The following IFT57 variants were observed in gnomAD, a reference collection of about 807,000 sequenced individuals.
IFT57 encodes intraflagellar transport protein 57 homolog.
Under a neutral mutation model 56.8 loss-of-function variants are expected in IFT57, and 59 were observed. The ratio of observed to expected loss-of-function variants is 1.04; its 90% CI spans 0.84 to 1.29. The LOEUF (loss-of-function observed/expected upper bound fraction) is 1.29. Ranked by LOEUF, IFT57 falls within the 50% of genes most tolerant of loss-of-function variation. The probability of loss-of-function intolerance (pLI) is 0.00; values close to 1 mark genes in which losing one functional copy is unlikely to be tolerated. For missense variants in IFT57, 470 were observed against 522.1 expected, an observed-to-expected ratio of 0.90 and a Z score of 0.97; for synonymous variants, 209 against 186.1, an observed-to-expected ratio of 1.12 and a Z score of -1.00.
At chr3:108,196,825 C>T (rs1345856878) in intron 5 of IFT57, among the ~76,000 whole-genome samples, 1 of 152,222 alleles carries the variant, frequency 6.6e-6, no homozygotes, top group East Asian at 1.9e-4. Context: ...GTTTGCATAT[C>T]TATTTCATAA....
chr3:108,211,709 G>A (rs1450292411), intron 4 of IFT57, among the ~76,000 whole-genome samples: 1 of 152,052 alleles, frequency 6.6e-6, no homozygotes, highest in Non-Finnish European at 1.5e-5. Flanking sequence ...TTTTCCTTCT[G>A]TAAATGACAG....
chr3:108,170,772 C>G (rs1432788376), intron 6 of IFT57, among the ~76,000 whole-genome samples: 1 of 151,054 alleles, frequency 6.6e-6, no homozygotes, highest in African/African-American at 2.4e-5. Flanking sequence ...CTACAGTAAC[C>G]AAAACAGCAT....
intron 5 of IFT57, 73 bp from the exon 6 acceptor site, chr3:108,191,716 G>A: frequency 1.1e-6 from 1 of 941,936 alleles, no homozygotes; most frequent in Non-Finnish European, 1.5e-6. Context: ...CATTTTAGCA[G>A]TACTGCACAA....
At chr3:108,208,885 A>C (rs1004553663) in intron 4 of IFT57, among the ~76,000 whole-genome samples, 1 of 152,166 alleles carries the variant, frequency 6.6e-6, no homozygotes, top group African/African-American at 2.4e-5. Flanking sequence ...AAAATACAGG[A>C]GATCCTTTAA....
At chr3:108,194,455 C>T (rs1041210825) in intron 5 of IFT57, among the ~76,000 whole-genome samples, 1 of 150,490 alleles carries the variant, frequency 6.6e-6, no homozygotes, top group African/African-American at 2.4e-5. Context: ...TATAAAAATA[C>T]TAATGACATT....
intron 3 of IFT57, among the ~76,000 whole-genome samples, chr3:108,216,438 G>A (rs111489992): frequency 0.01 from 1,562 of 152,270 alleles, 15 homozygotes; most frequent in Non-Finnish European, 0.017. Flanking sequence ...ACCCCAGTTA[G>A]AATGGCTATT....
At chr3:108,180,249 A>G (rs1249432273) in intron 6 of IFT57, among the ~76,000 whole-genome samples, 1 of 151,944 alleles carries the variant, frequency 6.6e-6, no homozygotes, top group African/African-American at 2.4e-5. Context: ...CAGACCTATT[A>G]TTTATGCTTA....
At chr3:108,165,002 C>T (rs1213804680) in intron 9 of IFT57, among the ~76,000 whole-genome samples, 1 of 151,994 alleles carries the variant, frequency 6.6e-6, no homozygotes, top group African/African-American at 2.4e-5. Context: ...ATAAGCCACT[C>T]CCAATTGTGG....
Position 108,218,613 on chromosome 3 carries a change from C to T in IFT57, c.416G>A (p.Gly139Asp), listed in dbSNP as rs778518817. Residue 139 changes from glycine (G) to aspartate (D), a missense_variant, in exon 3 of 11, where the codon GGT (glycine) becomes GAT (aspartate). By Grantham distance (94) the Gly-to-Asp change is moderately conservative (BLOSUM62 -1). Transcript: ENST00000264538. Reference protein sequence around the residue: ...ADFPPSKLKSGYGEHVCYVLD... With the variant: ...ADFPPSKLKSDYGEHVCYVLD... ...AACATAGCATACATGTTCTCCATAA[C>T]CTGACTTTAATTTTGAAGGAGGAAA... The T allele has an allele frequency of 6.5e-7, 1 of 1,545,976 alleles. No individual in the cohort carries two copies. The highest frequency in any genetic ancestry group is 2.5e-5 in the East Asian group (1 of 40,626).
chr3:108,221,893 C>A (rs2080407965), intron 1 of IFT57: 1 of 953,736 alleles, frequency 1.0e-6, no homozygotes, highest in Non-Finnish European at 1.5e-6. Flanking sequence ...TCTGCCGTTC[C>A]AAAACTTATT....
intron 6 of IFT57, among the ~76,000 whole-genome samples, chr3:108,173,827 A>G (rs2080108858): frequency 7.0e-6 from 1 of 143,458 alleles, no homozygotes; most frequent in Non-Finnish European, 1.5e-5. Flanking sequence ...ATAGTATATT[A>G]TATACAGTAA....
rs1466976799 is a variant in IFT57, at chr3:108,173,258, C to T, written c.778-5394G>A. On this transcript the variant is annotated intron_variant, in intron 6 of 10. Coordinates refer to ENST00000264538, the MANE Select transcript of IFT57 (RefSeq NM_018010.4). Reference sequence around the variant, plus strand: ...TTGGGGATACAAACATATGCAAACACACACACACACAAAGACACTGTATAC... The same window carrying T: ...TTGGGGATACAAACATATGCAAACATACACACACACAAAGACACTGTATAC... 3.3e-5 allele frequency among the ~76,000 whole-genome samples: 5 copies of T among 151,712 alleles called. No homozygotes were observed. In the South Asian group the frequency reaches 6.2e-4, roughly 19 times the overall value.
chr3:108,210,321 T>A (rs2108325749), intron 4 of IFT57, among the ~76,000 whole-genome samples: 1 of 144,740 alleles, frequency 6.9e-6, no homozygotes, highest in Admixed American at 7.4e-5. Context: ...ACTTTGACTG[T>A]CAGAAATAAT....
At chr3:108,181,065 G>A (rs979508095) in intron 6 of IFT57, among the ~76,000 whole-genome samples, 4 of 151,784 alleles carry the variant, frequency 2.6e-5, no homozygotes, top group Non-Finnish European at 4.4e-5. Context: ...TACAACTTAC[G>A]GTAATCTCTA....
rs2080411249 is a variant in IFT57, at chr3:108,222,305, G to T, written c.18C>A (p.Ala6=). ...CTTCCAAACCCGACGTCGTGACGAC[G>T]GCCAGAGCAGCAGTCATCGCAGAAC... MTAAL[A]VVTTSGLEDG... The change falls in exon 1 of 11, where the codon GCC becomes GCA. Residue 6 remains alanine, a synonymous_variant. Coordinates refer to ENST00000264538, the MANE Select transcript of IFT57 (RefSeq NM_018010.4). 6.8e-6 allele frequency: 11 copies of T among 1,612,212 alleles called. No homozygotes were observed. The highest frequency in any genetic ancestry group is 9.3e-6 in the Non-Finnish European group (11 of 1,179,210).
Position 108,162,379 on chromosome 3 carries a change from C to A in IFT57, c.*98G>T, listed in dbSNP as rs904791739. 5.1e-5 allele frequency: 47 copies of A among 927,128 alleles called. No homozygotes were observed. Among genetic ancestry groups the A allele is most frequent in the Non-Finnish European group, 3.9e-5 (24 of 619,202 alleles). 57.4% of individuals were successfully genotyped at this position (927,128 alleles called of 1,614,324 possible). On this transcript the variant is annotated 3_prime_UTR_variant, in exon 11 of 11. Transcript: ENST00000264538. Reference sequence around the variant, plus strand: ...GTGAGTATGTATATGTAAAAAAATACCCATTGAACATAAAATTATGTTTTG... The same window carrying A: ...GTGAGTATGTATATGTAAAAAAATAACCATTGAACATAAAATTATGTTTTG...
rs1456426564 is a variant in IFT57, at chr3:108,184,001, A to C, written c.777+7520T>G. ...TAAAAATTTAAAAAGTTTATATGTT[A>C]CTATAAGGAATTTAAAATTTTTTAA... On this transcript the variant is annotated intron_variant, in intron 6 of 10. Coordinates refer to ENST00000264538, the MANE Select transcript of IFT57 (RefSeq NM_018010.4). 2.0e-5 allele frequency among the ~76,000 whole-genome samples: 3 copies of C among 152,180 alleles called. 1 individual carries two copies. Among genetic ancestry groups the C allele is most frequent in the Admixed American group, 2.0e-4 (3 of 15,262 alleles).
At chr3:108,187,592 A>AT (rs2108316124) in intron 6 of IFT57, among the ~76,000 whole-genome samples, 2 of 150,002 alleles carry the variant, frequency 1.3e-5, no homozygotes, top group East Asian at 3.9e-4. Context: ...TAAGTTAAAA[A>AT]AAAAAGGGGG....
chr3:108,190,940 G>A (rs1003358911), intron 6 of IFT57, among the ~76,000 whole-genome samples: 3 of 151,944 alleles, frequency 2.0e-5, no homozygotes, highest in Non-Finnish European at 2.9e-5. Flanking sequence ...TTACAGGCAC[G>A]TGCCACCATG....
Sources: gnomAD v4.1 joint callset for allele counts (sites outside exome capture counted in the v4.1 genomes callset) on GRCh38, gnomAD v4.1.1 for gene constraint, MANE v1.5 for transcripts, NCBI Gene and HGNC (gene_info 2026-07-23, HGNC 2026-07-21) for gene names.